The following NT5DC3 variants were observed in gnomAD, a reference collection of about 807,000 sequenced individuals.
The protein encoded by NT5DC3 is 5'-nucleotidase domain containing 3, also known as 5'-nucleotidase domain-containing protein 3.
In NT5DC3, 42 loss-of-function variants were observed where a neutral mutation model predicts 67.8. That is an observed-to-expected ratio of 0.62 (90% CI 0.48 to 0.80). NT5DC3 has a LOEUF of 0.80. Among genes scored for constraint, NT5DC3 ranks in the 30% least tolerant of loss-of-function variants. NT5DC3 has a pLI of 0.00. For missense variants in NT5DC3, 570 were observed against 696.4 expected, an observed-to-expected ratio of 0.82 and a Z score of 2.04; for synonymous variants, 237 against 255.6, an observed-to-expected ratio of 0.93 and a Z score of 0.69.
the NT5DC3 span, chr12:103,755,793 C>A: frequency 7.1e-7 from 1 of 1,416,364 alleles, no homozygotes; most frequent in South Asian, 1.2e-5. Flanking sequence ...GGGGTGAGGC[C>A]TTAAGCTGAA....
chr12:103,763,563 G>C, the NT5DC3 span: 2 of 1,613,970 alleles, frequency 1.2e-6, no homozygotes, highest in African/African-American at 1.3e-5. Context: ...CCTTGTATGA[G>C]AGCACAACCT....
downstream of NT5DC3, among the ~76,000 whole-genome samples, chr12:103,768,420 G>T (rs1015031778): frequency 6.8e-6 from 1 of 147,530 alleles, no homozygotes; most frequent in Non-Finnish European, 1.5e-5. Context: ...GGGTGACAGA[G>T]TAAGACTCCA....
the NT5DC3 span, chr12:103,749,140 G>T: frequency 6.2e-7 from 1 of 1,604,108 alleles, no homozygotes; most frequent in Non-Finnish European, 8.5e-7. Context: ...CACGCCACCT[G>T]TAAGATGACA....
chr12:103,808,760 A>G (rs7134429), intron 2 of NT5DC3, among the ~76,000 whole-genome samples: 136,794 of 152,244 alleles, frequency 0.9, 61,552 homozygotes, highest in East Asian at 1. Context: ...CTTACTGAAG[A>G]GGGGCCAAGG....
At chr12:103,750,126 T>C in the NT5DC3 span, among the ~76,000 whole-genome samples, 1 of 152,184 alleles carries the variant, frequency 6.6e-6, no homozygotes, top group Non-Finnish European at 1.5e-5. Context: ...CAACCAGTGG[T>C]CATTGTGCAC....
chr12:103,810,600 T>G (rs1227517103), intron 2 of NT5DC3, among the ~76,000 whole-genome samples: 1 of 152,254 alleles, frequency 6.6e-6, no homozygotes, highest in Non-Finnish European at 1.5e-5. Flanking sequence ...TTAGGCCCAG[T>G]CTGGTTTCCT....
the NT5DC3 span, chr12:103,755,426 A>G: frequency 6.2e-7 from 1 of 1,614,172 alleles, no homozygotes; most frequent in East Asian, 2.2e-5. Context: ...CCTAGACCCA[A>G]CAAGAGTGAA....
At chr12:103,751,739 G>A in the NT5DC3 span, among the ~76,000 whole-genome samples, 1 of 152,160 alleles carries the variant, frequency 6.6e-6, no homozygotes, top group Non-Finnish European at 1.5e-5. Context: ...TGTTCCCAAA[G>A]CCCACTTCCA....
the NT5DC3 span, among the ~76,000 whole-genome samples, chr12:103,754,664 T>G: frequency 1.3e-5 from 2 of 151,984 alleles, no homozygotes; most frequent in Non-Finnish European, 2.9e-5. Context: ...GAATTAGAGT[T>G]CTAGGCCAGG....
the NT5DC3 span, among the ~76,000 whole-genome samples, chr12:103,764,935 T>TACAAATACAG: frequency 6.6e-6 from 1 of 151,156 alleles, no homozygotes; most frequent in Admixed American, 6.6e-5. Context: ...CCATGTCTAC[T>TACAAATACAG]AAATTAGGCA....
At chr12:103,798,474 C>T in intron 5 of NT5DC3, 113 bp downstream of exon 5, 1 of 718,758 alleles carries the variant, frequency 1.4e-6, no homozygotes, top group South Asian at 1.7e-5. Context: ...TCTCTCTCAA[C>T]ACACAATCTC....
At chr12:103,822,653 T>C (rs1887539111) in intron 1 of NT5DC3, among the ~76,000 whole-genome samples, 1 of 152,254 alleles carries the variant, frequency 6.6e-6, no homozygotes, top group Admixed American at 6.5e-5. Context: ...GGGGGTGTTC[T>C]ATTCTTGTTT....
the NT5DC3 span, chr12:103,758,017 G>A: frequency 2.2e-5 from 24 of 1,114,446 alleles, no homozygotes; most frequent in African/African-American, 4.7e-5. Context: ...ACTCTCCCAC[G>A]GCGCAGGCAG....
chr12:103,832,504 T>C (rs1030422204), intron 1 of NT5DC3, among the ~76,000 whole-genome samples: 3 of 145,224 alleles, frequency 2.1e-5, no homozygotes, highest in African/African-American at 7.8e-5. Context: ...GCAAAAAAAT[T>C]ATTTAATCTC....
At chr12:103,794,799 T>C (rs1181198214) in intron 6 of NT5DC3, among the ~76,000 whole-genome samples, 1 of 152,192 alleles carries the variant, frequency 6.6e-6, no homozygotes, top group African/African-American at 2.4e-5. Flanking sequence ...GGCAATGAGA[T>C]TGTAGCTCAG....
chr12:103,806,836 A>G lies in NT5DC3; in HGVS notation c.468+19T>C, dbSNP rs150294917. 1,254 of 1,506,214 alleles carry G rather than the reference A, an allele frequency of 8.3e-4. 11 individuals carry two copies. The African/African-American group carries it at 0.015, about 17-fold the overall frequency. The allele number at this position is 1,506,214 out of a possible 1,614,324, so 93.3% of individuals were successfully genotyped here. On this transcript the variant is annotated intron_variant, in intron 3 of 13. Coordinates refer to ENST00000392876, the MANE Select transcript of NT5DC3 (RefSeq NM_001031701.3). ...CCAAACATCATTAAACCATAGAAAAACAGGAGAAGTAAACCTACCCGCTGT... is the reference window on the plus strand; with the variant it reads ...CCAAACATCATTAAACCATAGAAAAGCAGGAGAAGTAAACCTACCCGCTGT...
intron 11 of NT5DC3, among the ~76,000 whole-genome samples, chr12:103,786,571 C>G (rs1305543254): frequency 6.6e-6 from 1 of 151,996 alleles, no homozygotes; most frequent in African/African-American, 2.4e-5. Context: ...GAAGTGGTAG[C>G]TGATTTATAG....
intron 1 of NT5DC3, among the ~76,000 whole-genome samples, chr12:103,817,817 A>G (rs986788984): frequency 6.6e-6 from 1 of 152,212 alleles, no homozygotes; most frequent in African/African-American, 2.4e-5. Flanking sequence ...AAGAAAGTCA[A>G]TCCATCATTT....
intron 1 of NT5DC3, among the ~76,000 whole-genome samples, chr12:103,829,756 C>A (rs1887844986): frequency 6.6e-6 from 1 of 152,076 alleles, no homozygotes; most frequent in Non-Finnish European, 1.5e-5. Context: ...ACATCTCTAC[C>A]AATTTCTTTT....
Sources: allele counts gnomAD v4.1 joint callset (sites outside exome capture counted in the v4.1 genomes callset), GRCh38; gene constraint gnomAD v4.1.1; transcripts MANE v1.5; gene names NCBI Gene and HGNC (gene_info 2026-07-23, HGNC 2026-07-21).